The following PTPRN2 variants were observed in gnomAD, a reference collection of about 807,000 sequenced individuals.
The protein encoded by PTPRN2 is protein tyrosine phosphatase receptor type N2, also known as receptor-type tyrosine-protein phosphatase N2.
PTPRN2 carries 74 observed loss-of-function variants against 118.8 expected under a neutral mutation model. The observed-to-expected ratio is 0.62, with a 90% CI of 0.52 to 0.76. PTPRN2 has a LOEUF of 0.76. Ranked by LOEUF, PTPRN2 falls within the 30% of genes least tolerant of loss-of-function variation. The pLI is 0.00. For synonymous variants in PTPRN2, 641 were observed against 608.0 expected (o/e 1.05, Z -0.80); for missense variants, 1,481 against 1,394.4 (o/e 1.06, Z -0.99).
intron 3 of PTPRN2, among the ~76,000 whole-genome samples, chr7:158,296,390 TGA>T (rs1394940689): frequency 6.6e-6 from 1 of 152,198 alleles, no homozygotes; most frequent in Non-Finnish European, 1.5e-5. Flanking sequence ...TGGCTCCTGC[TGA>T]GAGTTACTTC....
At chr7:158,542,184 T>C (rs1425484798) in intron 1 of PTPRN2, among the ~76,000 whole-genome samples, 3 of 152,230 alleles carry the variant, frequency 2.0e-5, no homozygotes, top group Non-Finnish European at 2.9e-5. Context: ...GGAGTCTTGC[T>C]CTGTCACCCA....
chr7:157,988,909 G>A (rs1036940178), intron 11 of PTPRN2, among the ~76,000 whole-genome samples: 18 of 152,228 alleles, frequency 1.2e-4, no homozygotes, highest in African/African-American at 4.3e-4. Flanking sequence ...AGTGTGACCT[G>A]AGGAAAATCA....
At position 157,539,609 on chromosome 7, in the gene PTPRN2, A is replaced by C. The variant is rs1158297342; in HGVS notation, c.*1105T>G. On this transcript the variant is annotated 3_prime_UTR_variant, in exon 23 of 23. Transcript: ENST00000389418. ...TACATGATGTCAAAACACGTGGTTC[A>C]TTAAGTGATCCCGGGAAGAGGGGCA... 1.3e-5 allele frequency: 2 copies of C among 152,252 alleles called. No individual in the cohort carries two copies. The highest frequency in any genetic ancestry group is 2.9e-5 in the Non-Finnish European group (2 of 68,066). The allele number at this position is 152,252 out of a possible 1,614,324, so 9.4% of individuals were successfully genotyped here.
chr7:158,420,336 G>A (rs933857890), intron 2 of PTPRN2, among the ~76,000 whole-genome samples: 7 of 152,082 alleles, frequency 4.6e-5, no homozygotes, highest in South Asian at 2.1e-4. Flanking sequence ...TGCTGACCAC[G>A]GGTTACCTTG....
intron 11 of PTPRN2, among the ~76,000 whole-genome samples, chr7:158,059,841 G>C (rs372734959): frequency 1.4e-3 from 114 of 79,488 alleles, no homozygotes; most frequent in Admixed American, 2.9e-3. Flanking sequence ...CACACGGTGA[G>C]ACATCACTGC....
At chr7:158,057,985 G>A (rs1014335960) in intron 11 of PTPRN2, among the ~76,000 whole-genome samples, 8 of 152,234 alleles carry the variant, frequency 5.3e-5, no homozygotes, top group Non-Finnish European at 1.0e-4. Flanking sequence ...TATACAGAAT[G>A]CTTCCTTAGT....
At position 157,831,199 on chromosome 7, in the gene PTPRN2, C is replaced by T. The variant is rs933840453; in HGVS notation, c.1788+67474G>A. 2.0e-5 allele frequency among the ~76,000 whole-genome samples: 3 copies of T among 152,152 alleles called. No homozygotes were observed. The highest frequency in any genetic ancestry group is 2.1e-4 in the South Asian group (1 of 4,822). ...AGCCCAGCTGTGGGGAGGAACTGCT[C>T]GGGCCCTGCAGCATCTTACAAGGGG... On this transcript the variant is annotated intron_variant, in intron 12 of 22. Transcript: ENST00000389418. The surrounding 1 kb of genome is among the most constrained non-coding windows in gnomAD (Gnocchi z 4.8).
intron 11 of PTPRN2, among the ~76,000 whole-genome samples, chr7:158,075,792 G>A (rs1038073784): frequency 1.1e-4 from 16 of 152,214 alleles, no homozygotes; most frequent in South Asian, 2.1e-4. Context: ...TCATGGCTGC[G>A]GAGCAGCAGG....
intron 2 of PTPRN2, among the ~76,000 whole-genome samples, chr7:158,471,662 T>G (rs1300809617): frequency 2.0e-5 from 3 of 151,742 alleles, no homozygotes; most frequent in African/African-American, 7.3e-5. Flanking sequence ...CACTCCAGCC[T>G]GGGGGACAGA....
rs559470683 is a variant in PTPRN2 at position 158,009,122 on chromosome 7, C to T, written c.1723+72176G>A. Among the ~76,000 whole-genome samples, 21 of 152,238 alleles carry T rather than the reference C, an allele frequency of 1.4e-4. No individual in the cohort carries two copies. In the East Asian group the frequency reaches 4.1e-3, roughly 30 times the overall value. ...ACGAACAGAGCCCCAGGAGGCCCCA[C>T]CTGGTGCCCGTGACCGACCCCCTCA... On this transcript the variant is annotated intron_variant, in intron 11 of 22. Transcript: ENST00000389418.
chr7:158,491,779 C>G (rs74802354), intron 1 of PTPRN2, among the ~76,000 whole-genome samples: 2 of 152,192 alleles, frequency 1.3e-5, no homozygotes, highest in African/African-American at 4.8e-5. Context: ...CGTGAGCCAC[C>G]GCGCCTGGCC....
At chr7:158,582,605 T>C (rs1828688358) in intron 1 of PTPRN2, among the ~76,000 whole-genome samples, 1 of 151,720 alleles carries the variant, frequency 6.6e-6, no homozygotes, top group South Asian at 2.1e-4. Flanking sequence ...TTTTAGTTAT[T>C]ATATTTACTC....
At chr7:158,018,441 C>G (rs1806606836) in intron 11 of PTPRN2, among the ~76,000 whole-genome samples, 1 of 152,194 alleles carries the variant, frequency 6.6e-6, no homozygotes, top group South Asian at 2.1e-4. Flanking sequence ...AACCGTGAAG[C>G]TGGATCTGCC....
At chr7:158,149,761 G>C (rs1322937302) in intron 6 of PTPRN2, among the ~76,000 whole-genome samples, 1 of 149,766 alleles carries the variant, frequency 6.7e-6, no homozygotes, top group Non-Finnish European at 1.5e-5. Context: ...CTGAGATTGT[G>C]CCATTGCACT....
chr7:157,939,284 C>T (rs1015221274), intron 11 of PTPRN2, among the ~76,000 whole-genome samples: 5 of 152,318 alleles, frequency 3.3e-5, no homozygotes, highest in East Asian at 3.9e-4. Flanking sequence ...AAATAAAGCA[C>T]GCAGGTCTCC....
At chr7:157,924,340 C>T (rs1028612217) in intron 11 of PTPRN2, among the ~76,000 whole-genome samples, 5 of 152,328 alleles carry the variant, frequency 3.3e-5, no homozygotes, top group East Asian at 3.9e-4. Flanking sequence ...AAGCTGAGGA[C>T]GCCCCCTCTG....
At chr7:158,532,624 CG>C in intron 1 of PTPRN2, 1 of 465,872 alleles carries the variant, frequency 2.1e-6, no homozygotes, top group Admixed American at 2.4e-5. Flanking sequence ...AGACCAAAAA[CG>C]TCACTAAACT....
intron 3 of PTPRN2, among the ~76,000 whole-genome samples, chr7:158,223,882 T>C (rs10262127): frequency 0.49 from 74,706 of 151,906 alleles, 20,036 homozygotes; most frequent in African/African-American, 0.72. Context: ...ACTGTACCTA[T>C]GTCCTATTTC....
At chr7:157,918,509 G>C (rs1048243890) in intron 11 of PTPRN2, among the ~76,000 whole-genome samples, 2 of 152,152 alleles carry the variant, frequency 1.3e-5, no homozygotes, top group African/African-American at 4.8e-5. Context: ...CATCTTCCTA[G>C]GACAGGTGCC....
Sources: gnomAD v4.1 joint callset for allele counts (sites outside exome capture counted in the v4.1 genomes callset) on GRCh38, gnomAD v4.1.1 for gene constraint, Gnocchi (gnomAD v3.1) non-coding constraint, MANE v1.5 for transcripts, NCBI Gene and HGNC (gene_info 2026-07-23, HGNC 2026-07-21) for gene names.